PHACTR3: variants seen among roughly 807,000 people sequenced by gnomAD.
PHACTR3 encodes the protein protein phosphatase 1, regulatory subunit 123.
PHACTR3 carries 16 observed loss-of-function variants against 66.8 expected under a neutral mutation model. The ratio of observed to expected loss-of-function variants is 0.24; its 90% CI spans 0.16 to 0.36. The LOEUF (loss-of-function observed/expected upper bound fraction) is 0.36. Among genes scored for constraint, PHACTR3 ranks in the 10% least tolerant of loss-of-function variants. The probability of loss-of-function intolerance (pLI) is 1.00; values close to 1 mark genes in which losing one functional copy is unlikely to be tolerated. For missense variants in PHACTR3, 647 were observed against 719.9 expected (o/e 0.90, Z 1.16); for synonymous variants, 323 against 292.1 (o/e 1.11, Z -1.08).
At position 59,830,439 on chromosome 20, in the gene PHACTR3, A is replaced by G. The variant is rs1474793273; in HGVS notation, c.1329-6066A>G. 6.6e-6 allele frequency among the ~76,000 whole-genome samples: 1 copy of G among 152,224 alleles called. No homozygotes were observed. The highest frequency in any genetic ancestry group is 1.9e-4 in the East Asian group (1 of 5,168). The stretch of plus-strand genomic sequence containing the variant: ...GTGTCTGATGGAGGAATGTGTGGGC[A>G]TCTGATGGAGGAAGATGTGAACATC... On this transcript the variant is annotated intron_variant, in intron 8 of 12. Transcript: ENST00000371015. The surrounding 1 kb of genome is among the most constrained non-coding windows in gnomAD (Gnocchi z 5.8).
chr20:59,674,355 G>T (rs1233640859), intron 1 of PHACTR3, among the ~76,000 whole-genome samples: 1 of 120,984 alleles, frequency 8.3e-6, no homozygotes, highest in African/African-American at 4.0e-5. Context: ...GCCCCACTCT[G>T]CCCTCTTCCC....
intron 1 of PHACTR3, among the ~76,000 whole-genome samples, chr20:59,591,133 A>G (rs558806517): frequency 7.2e-5 from 11 of 152,314 alleles, no homozygotes; most frequent in African/African-American, 2.6e-4. Context: ...ATTCTAGCGC[A>G]TGGTGCAGCG....
At chr20:59,688,355 G>A (rs1006439725) in intron 1 of PHACTR3, among the ~76,000 whole-genome samples, 3 of 152,184 alleles carry the variant, frequency 2.0e-5, no homozygotes, top group Non-Finnish European at 4.4e-5. Flanking sequence ...TGGGGGCCAT[G>A]TAAGCCTCTC....
chr20:59,774,758 GA>G (rs1360192671), intron 7 of PHACTR3, among the ~76,000 whole-genome samples: 1,536 of 145,428 alleles, frequency 0.011, 20 homozygotes, highest in African/African-American at 0.033. Flanking sequence ...ATGTGTATGT[GA>G]AAAAAAAAAA....
intron 4 of PHACTR3, among the ~76,000 whole-genome samples, chr20:59,763,845 GA>G (rs1216013104): frequency 6.6e-6 from 1 of 152,202 alleles, no homozygotes; most frequent in East Asian, 1.9e-4. Flanking sequence ...AGCCAGAGGG[GA>G]AAGTGTTAAA....
intron 1 of PHACTR3, among the ~76,000 whole-genome samples, chr20:59,622,991 A>AAAAAAAAAAAAAAAAAAAAAAAAAC: frequency 7.0e-6 from 1 of 142,102 alleles, no homozygotes; most frequent in Non-Finnish European, 1.5e-5. Flanking sequence ...CAAAAAAAAA[A>AAAAAAAAAAAAAAAAAAAAAAAAAC]AAAAAAAAAA....
intron 1 of PHACTR3, among the ~76,000 whole-genome samples, chr20:59,630,643 C>G (rs1450762887): frequency 6.6e-6 from 1 of 152,168 alleles, no homozygotes. Flanking sequence ...GTTGGGGAGA[C>G]ACCGGGTGGT....
chr20:59,687,111 G>C (rs1407309041), intron 1 of PHACTR3, among the ~76,000 whole-genome samples: 2 of 150,150 alleles, frequency 1.3e-5, no homozygotes, highest in African/African-American at 2.4e-5. Flanking sequence ...TGATAGTGGT[G>C]GTGACGGTGA....
intron 1 of PHACTR3, among the ~76,000 whole-genome samples, chr20:59,679,373 C>T (rs2036566230): frequency 6.6e-6 from 1 of 152,174 alleles, no homozygotes. Context: ...ACACGAAACT[C>T]AGCAAAATAT....
chr20:59,720,683 AT>A (rs1269678289), intron 1 of PHACTR3, among the ~76,000 whole-genome samples: 1 of 152,002 alleles, frequency 6.6e-6, no homozygotes, highest in East Asian at 1.9e-4. Context: ...TTTGCCGTGC[AT>A]TTTTTTTCCA....
chr20:59,589,883 C>T (rs1029129249), intron 1 of PHACTR3, among the ~76,000 whole-genome samples: 3 of 152,234 alleles, frequency 2.0e-5, no homozygotes, highest in Non-Finnish European at 2.9e-5. Context: ...AACATTCTAA[C>T]GATCCAAGTA....
At position 59,656,840 on chromosome 20, in the gene PHACTR3, C is replaced by T. The variant is rs943776392; in HGVS notation, c.118+51708C>T. On this transcript the variant is annotated intron_variant, in intron 1 of 12. Coordinates refer to ENST00000371015, the MANE Select transcript of PHACTR3 (RefSeq NM_080672.5). The stretch of plus-strand genomic sequence containing the variant: ...TTGCTGTGGGGATTACCATATACAT[C>T]TTAACTTATCAGAATTCTTCAGATT... Among the ~76,000 whole-genome samples the T allele has an allele frequency of 3.3e-5, 5 of 151,746 alleles. No homozygotes were observed. In the South Asian group the frequency reaches 1.0e-3, roughly 31 times the overall value.
chr20:59,742,339 C>G (rs772991549), intron 1 of PHACTR3, among the ~76,000 whole-genome samples: 2 of 152,222 alleles, frequency 1.3e-5, no homozygotes, highest in South Asian at 4.1e-4. Context: ...GTCTCTTTTA[C>G]AACAAACAGC....
intron 1 of PHACTR3, among the ~76,000 whole-genome samples, chr20:59,624,106 A>T (rs925808391): frequency 6.6e-6 from 1 of 152,096 alleles, no homozygotes; most frequent in Admixed American, 6.5e-5. Flanking sequence ...TGGCTGGGGC[A>T]GTGTCTCTAG....
At chr20:59,691,707 G>A (rs2037114247) in intron 1 of PHACTR3, among the ~76,000 whole-genome samples, 1 of 152,044 alleles carries the variant, frequency 6.6e-6, no homozygotes, top group Admixed American at 6.5e-5. Flanking sequence ...CAGGATTTTA[G>A]TTGTGTAAGA....
chr20:59,686,914 GTGA>G (rs2036910913), intron 1 of PHACTR3, among the ~76,000 whole-genome samples: 2 of 144,196 alleles, frequency 1.4e-5, no homozygotes, highest in African/African-American at 2.6e-5. Context: ...GGTTGTGATG[GTGA>G]TGATTGTGAT....
rs904637371 is a variant in PHACTR3 at position 59,834,372 on chromosome 20, T to C, written c.1329-2133T>C. Among the ~76,000 whole-genome samples, 11 of 152,322 alleles carry C rather than the reference T, an allele frequency of 7.2e-5. No individual in the cohort carries two copies. The East Asian group carries it at 2.1e-3, about 29-fold the overall frequency. On this transcript the variant is annotated intron_variant, in intron 8 of 12. Coordinates refer to ENST00000371015, the MANE Select transcript of PHACTR3 (RefSeq NM_080672.5). ...TATTCACACACAGAGGCTGTTGGGT[T>C]CTCTTACCATTCCCTGTTTACAGAG...
At chr20:59,654,174 C>A (rs1055425846) in intron 1 of PHACTR3, among the ~76,000 whole-genome samples, 4 of 152,166 alleles carry the variant, frequency 2.6e-5, no homozygotes, top group Admixed American at 6.5e-5. Context: ...AATTGGTCAC[C>A]GTTGTATATT....
At chr20:59,699,138 A>T (rs1412999258) in intron 1 of PHACTR3, among the ~76,000 whole-genome samples, 1 of 152,228 alleles carries the variant, frequency 6.6e-6, no homozygotes. Context: ...AAACCAAGTC[A>T]GAAAAGGACG....
Sources: gnomAD v4.1 joint callset for allele counts (sites outside exome capture counted in the v4.1 genomes callset) on GRCh38, gnomAD v4.1.1 for gene constraint, Gnocchi (gnomAD v3.1) non-coding constraint, MANE v1.5 for transcripts, NCBI Gene and HGNC (gene_info 2026-07-23, HGNC 2026-07-21) for gene names.